ESR1: variants seen among roughly 807,000 people sequenced by gnomAD.
The protein encoded by ESR1 is estrogen receptor.
Under a neutral mutation model 52.7 loss-of-function variants are expected in ESR1, and 12 were observed. The ratio of observed to expected loss-of-function variants is 0.23; its 90% CI spans 0.15 to 0.37. The LOEUF (loss-of-function observed/expected upper bound fraction) is 0.37, where lower values mean the gene tolerates loss of function less well. ESR1 is among the 10% of genes least tolerant of loss of function. ESR1 has a pLI of 1.00. For missense variants in ESR1, 584 were observed against 779.7 expected, an observed-to-expected ratio of 0.75 and a Z score of 2.99; for synonymous variants, 305 against 316.8, an observed-to-expected ratio of 0.96 and a Z score of 0.39.
chr6:151,807,766 G>A lies in ESR1; in HGVS notation c.-147G>A. 2.5e-6 allele frequency: 2 copies of A among 811,994 alleles called. No homozygotes were observed. The highest frequency in any genetic ancestry group is 4.1e-6 in the Non-Finnish European group (2 of 491,620). 50.3% of individuals were successfully genotyped at this position (811,994 alleles called of 1,614,324 possible). A position where few individuals can be genotyped will look rare whatever the true frequency, so the allele number is the denominator to read the frequency against. The stretch of plus-strand genomic sequence containing the variant: ...ACCGGACCCGCAGGCTCCCGGGGCA[G>A]GGCCGGGGCCAGAGCTCGCGTGTCG... On this transcript the variant is annotated 5_prime_UTR_variant, in exon 1 of 8. Coordinates refer to ENST00000206249, the MANE Select transcript of ESR1 (RefSeq NM_000125.4).
chr6:152,077,157 A>G (rs1235551124), intron 6 of ESR1, among the ~76,000 whole-genome samples: 1 of 152,108 alleles, frequency 6.6e-6, no homozygotes, highest in African/African-American at 2.4e-5. Flanking sequence ...CAGCCTAGGA[A>G]CTTGGTGCCC....
intron 2 of ESR1, among the ~76,000 whole-genome samples, chr6:151,789,811 TG>T (rs996497352): frequency 6.6e-6 from 1 of 152,168 alleles, no homozygotes; most frequent in Admixed American, 6.5e-5. Flanking sequence ...TGCAGTGTAA[TG>T]GAGGAAGATG....
chr6:151,859,616 G>A (rs1055362622), intron 2 of ESR1, among the ~76,000 whole-genome samples: 27 of 152,206 alleles, frequency 1.8e-4, no homozygotes, highest in African/African-American at 4.8e-4. Flanking sequence ...CTGTCTGCAA[G>A]TATGCATTTT....
chr6:152,072,831 A>T (rs1328712199), intron 6 of ESR1, among the ~76,000 whole-genome samples: 1 of 152,244 alleles, frequency 6.6e-6, no homozygotes, highest in Non-Finnish European at 1.5e-5. Context: ...ATTCACTTTC[A>T]TCTTGACACG....
intron 3 of ESR1, among the ~76,000 whole-genome samples, chr6:151,881,909 T>G (rs1792992943): frequency 6.6e-6 from 1 of 150,468 alleles, no homozygotes; most frequent in Non-Finnish European, 1.5e-5. Context: ...AATAAATAAA[T>G]AAATAAATAA....
At chr6:152,110,755 T>C (rs977362216) in intron 6 of ESR1, among the ~76,000 whole-genome samples, 1 of 152,166 alleles carries the variant, frequency 6.6e-6, no homozygotes, top group African/African-American at 2.4e-5. Context: ...ATAAGAACTT[T>C]TAACGCAAAA....
intron 6 of ESR1, among the ~76,000 whole-genome samples, chr6:152,089,893 T>C (rs576100982): frequency 6.6e-6 from 1 of 152,302 alleles, no homozygotes; most frequent in South Asian, 2.1e-4. Context: ...AGATTTTTAT[T>C]TGTAGTAGAT....
chr6:152,066,383 C>T (rs1236747317), intron 6 of ESR1, among the ~76,000 whole-genome samples: 1 of 152,156 alleles, frequency 6.6e-6, no homozygotes, highest in East Asian at 1.9e-4. Flanking sequence ...GATGAAAGAA[C>T]ATTTTTTAAA....
chr6:152,095,934 G>A (rs1392550016), intron 7 of ESR1, among the ~76,000 whole-genome samples: 2 of 152,182 alleles, frequency 1.3e-5, no homozygotes, highest in Non-Finnish European at 2.9e-5. Context: ...AAGGACATCA[G>A]CAGACAAAAT....
At chr6:151,798,193 G>A (rs1445651433) in intron 2 of ESR1, among the ~76,000 whole-genome samples, 2 of 152,102 alleles carry the variant, frequency 1.3e-5, no homozygotes. Flanking sequence ...GGCTGGCCAG[G>A]TGTTTTTTTT....
At chr6:151,730,632 A>G (rs1360715921) in intron 2 of ESR1, among the ~76,000 whole-genome samples, 3 of 152,074 alleles carry the variant, frequency 2.0e-5, no homozygotes, top group Admixed American at 6.6e-5. Context: ...GTGTCTTCAC[A>G]ATTAATTGTT....
In ESR1 at chr6:152,098,629, A is replaced by G; in HGVS notation, c.1554-103A>G. 1.1e-6 allele frequency: 1 copy of G among 916,254 alleles called. No individual in the cohort carries two copies. The highest frequency in any genetic ancestry group is 1.4e-5 in the South Asian group (1 of 71,108). The allele number at this position is 916,254 out of a possible 1,614,324, so 56.8% of individuals were successfully genotyped here. On this transcript the variant is annotated intron_variant, in intron 7 of 7. Coordinates refer to ENST00000206249, the MANE Select transcript of ESR1 (RefSeq NM_000125.4). This position sits in a 1 kb window ranked among gnomAD's most constrained non-coding sequence, Gnocchi z 5.1. ...TAAACAGGAAGAAAGAAAGATTGCTAAGTGTCTTTGGAGTTCCTCTTCCTT... is the reference window on the plus strand; with the variant it reads ...TAAACAGGAAGAAAGAAAGATTGCTGAGTGTCTTTGGAGTTCCTCTTCCTT...
intron 2 of ESR1, among the ~76,000 whole-genome samples, chr6:151,742,343 G>A (rs376955700): frequency 6.6e-5 from 10 of 151,594 alleles, no homozygotes; most frequent in African/African-American, 9.7e-5. Flanking sequence ...ACTGTTTTCC[G>A]TAATGGCTGC....
intron 1 of ESR1, among the ~76,000 whole-genome samples, chr6:151,692,778 C>A (rs945716837): frequency 7.2e-5 from 11 of 152,288 alleles, no homozygotes; most frequent in South Asian, 2.1e-4. Context: ...ACAGCAAAAG[C>A]GTACACATCA....
At chr6:151,722,164 C>A (rs1005562922) in intron 2 of ESR1, among the ~76,000 whole-genome samples, 1 of 152,180 alleles carries the variant, frequency 6.6e-6, no homozygotes, top group African/African-American at 2.4e-5. Flanking sequence ...AACGAGGGAT[C>A]AGTCCTTTTG....
At chr6:152,106,282 AT>A (rs2051066340), downstream of ESR1, among the ~76,000 whole-genome samples, 2 of 152,228 alleles carry the variant, frequency 1.3e-5, no homozygotes, top group African/African-American at 4.8e-5. Context: ...TTTTAAAAAA[AT>A]TGACAAGAAA....
upstream of ESR1, among the ~76,000 whole-genome samples, chr6:151,686,765 A>T (rs568127593): frequency 6.6e-6 from 1 of 152,324 alleles, no homozygotes; most frequent in Admixed American, 6.5e-5. Flanking sequence ...TGTTTAAGGT[A>T]GCTAAACACT....
chr6:151,852,805 C>G (rs1199093817), intron 2 of ESR1, among the ~76,000 whole-genome samples: 1 of 151,998 alleles, frequency 6.6e-6, no homozygotes, highest in Non-Finnish European at 1.5e-5. Flanking sequence ...AGGCTGAGGG[C>G]AGCAGAGTTT....
chr6:152,030,784 A>C (rs1362464456), intron 5 of ESR1, among the ~76,000 whole-genome samples: 1 of 152,198 alleles, frequency 6.6e-6, no homozygotes, highest in Admixed American at 6.5e-5. Flanking sequence ...TGCACCAAGC[A>C]GACCTAATAG....
Sources: allele counts gnomAD v4.1 joint callset (sites outside exome capture counted in the v4.1 genomes callset), GRCh38; gene constraint gnomAD v4.1.1; non-coding constraint Gnocchi (gnomAD v3.1); transcripts MANE v1.5; gene names NCBI Gene and HGNC (gene_info 2026-07-23, HGNC 2026-07-21).